KLHL4: variants seen among roughly 807,000 people sequenced by gnomAD.
KLHL4 encodes kelch like family member 4.
Under a neutral mutation model 45.8 loss-of-function variants are expected in KLHL4, and 17 were observed. The ratio of observed to expected loss-of-function variants is 0.37; its 90% CI spans 0.25 to 0.56. The LOEUF is 0.56. Ranked by LOEUF, KLHL4 falls within the 20% of genes least tolerant of loss-of-function variation. The pLI, the probability that KLHL4 is intolerant of heterozygous loss-of-function variation, is 0.79. For synonymous variants in KLHL4, 224 were observed against 189.9 expected (o/e 1.18, Z -1.47); for missense variants, 544 against 544.9 (o/e 1.00, Z 0.02).
chrX:87,613,382 G>C (rs1922447060), intron 1 of KLHL4, among the ~76,000 whole-genome samples: 1 of 111,637 alleles, frequency 9.0e-6, no homozygotes, highest in Non-Finnish European at 1.9e-5. Flanking sequence ...TTCTTAATGG[G>C]ATTGATAGTG....
chrX:87,563,039 C>G (rs1431473122), intron 1 of KLHL4, among the ~76,000 whole-genome samples: 2 of 111,144 alleles, frequency 1.8e-5, no homozygotes, highest in African/African-American at 6.5e-5. Flanking sequence ...TGTGAGTCTG[C>G]GAGTCACAGT....
chrX:87,622,714 C>CT (rs35342750), intron 5 of KLHL4, among the ~76,000 whole-genome samples: 15 of 105,580 alleles, frequency 1.4e-4, no homozygotes, highest in Admixed American at 2.1e-4. Flanking sequence ...TAGGCTAACT[C>CT]TTTTTTTTTT....
chrX:87,572,491 T>G (rs779559440), intron 1 of KLHL4, among the ~76,000 whole-genome samples: 34 of 111,073 alleles, frequency 3.1e-4, no homozygotes, highest in Non-Finnish European at 5.7e-4. Flanking sequence ...TGTTCAATGT[T>G]TTTATATAAA....
chrX:87,635,818 T>C, intron 9 of KLHL4, 43 bp downstream of exon 9: 2 of 969,523 alleles, frequency 2.1e-6, no homozygotes, highest in South Asian at 2.7e-5. Flanking sequence ...TATTTGGTTA[T>C]TTAATTTTTT....
chrX:87,547,343 G>T (rs1390316770), intron 1 of KLHL4, among the ~76,000 whole-genome samples: 1 of 111,026 alleles, frequency 9.0e-6, no homozygotes, highest in African/African-American at 3.3e-5. Flanking sequence ...TCTCTGGCCT[G>T]CTGCAGTTTA....
At chrX:87,547,082 G>A (rs145862099) in intron 1 of KLHL4, among the ~76,000 whole-genome samples, 1 of 111,889 alleles carries the variant, frequency 8.9e-6, no homozygotes, top group Admixed American at 9.5e-5. Context: ...TTGGGGTACT[G>A]TTGGGAAGGC....
Position 87,538,471 on chromosome X carries a change from G to T in KLHL4, c.422+20156G>T, listed in dbSNP as rs17279190. On this transcript the variant is annotated intron_variant, in intron 1 of 10. Coordinates refer to ENST00000373119, the MANE Select transcript of KLHL4 (RefSeq NM_019117.5). ...TAACAGACATAAAACATAATTTAGG[G>T]TATCAGAAATATCCTTGGAAAAAGT... 3.5e-3 allele frequency among the ~76,000 whole-genome samples: 392 copies of T among 111,280 alleles called. 6 individuals are homozygous for T. In the South Asian group the frequency reaches 0.048, roughly 14 times the overall value.
At chrX:87,616,569 A>G (rs1487122090) in intron 3 of KLHL4, among the ~76,000 whole-genome samples, 1 of 111,671 alleles carries the variant, frequency 9.0e-6, no homozygotes, top group Non-Finnish European at 1.9e-5. Context: ...CTCTTTAATG[A>G]AGTGAAACTT....
At chrX:87,534,677 A>G (rs1205639466) in intron 1 of KLHL4, among the ~76,000 whole-genome samples, 1 of 111,649 alleles carries the variant, frequency 9.0e-6, no homozygotes, top group Non-Finnish European at 1.9e-5. Flanking sequence ...ACAACCACTC[A>G]TAAAAGCTTT....
At chrX:87,663,022 C>CT (rs56203819) in intron 9 of KLHL4, among the ~76,000 whole-genome samples, 5,457 of 87,547 alleles carry the variant, frequency 0.062, 434 homozygotes, top group African/African-American at 0.2. Flanking sequence ...TTTTCTGATG[C>CT]TTTTTTTTTT....
At chrX:87,659,285 A>C (rs1397110689) in intron 9 of KLHL4, among the ~76,000 whole-genome samples, 1 of 37,987 alleles carries the variant, frequency 2.6e-5, no homozygotes, top group Non-Finnish European at 5.4e-5. Flanking sequence ...ACACTGGGCT[A>C]ATTTTTGTTA....
chrX:87,628,881 A>C (rs1569356982), intron 6 of KLHL4, among the ~76,000 whole-genome samples: 1 of 112,192 alleles, frequency 8.9e-6, no homozygotes, highest in Non-Finnish European at 1.9e-5. Flanking sequence ...TGTATTTGAA[A>C]GAATCATTAG....
chrX:87,645,048 G>A (rs985655142), intron 9 of KLHL4, among the ~76,000 whole-genome samples: 3 of 111,597 alleles, frequency 2.7e-5, no homozygotes, highest in Admixed American at 9.5e-5. Flanking sequence ...AGCTAAATAG[G>A]TGGGACCTAA....
chrX:87,592,564 A>G, intron 1 of KLHL4, among the ~76,000 whole-genome samples: 1 of 111,773 alleles, frequency 8.9e-6, no homozygotes, highest in Middle Eastern at 4.6e-3. Flanking sequence ...AACTGAGGTT[A>G]CATGTCTCAT....
chrX:87,555,462 G>A (rs1223786184), intron 1 of KLHL4, among the ~76,000 whole-genome samples: 2 of 111,152 alleles, frequency 1.8e-5, no homozygotes, highest in Admixed American at 9.6e-5. Context: ...TGTTCGTGTC[G>A]AGGAATTTAT....
At chrX:87,572,424 C>G (rs1248977126) in intron 1 of KLHL4, among the ~76,000 whole-genome samples, 7 of 110,818 alleles carry the variant, frequency 6.3e-5, no homozygotes, top group Non-Finnish European at 9.5e-5. Flanking sequence ...CTCTCTTTCT[C>G]TCTATTAATG....
rs1278507953 is a variant in KLHL4 at position 87,669,311 on chromosome X, C to T, written c.*2777C>T. The T allele has an allele frequency of 3.3e-6, 4 of 1,206,212 alleles. No homozygotes were observed. The highest frequency in any genetic ancestry group is 4.5e-6 in the Non-Finnish European group (4 of 893,290). ...ATGATTCTCTAACACTGTCTGTCAC[C>T]TTCCTGTATTTCCACAGAGCATGCA... On this transcript the variant is annotated 3_prime_UTR_variant, in exon 11 of 11. Coordinates refer to ENST00000373119, the MANE Select transcript of KLHL4 (RefSeq NM_019117.5).
chrX:87,518,768 C>G, intron 1 of KLHL4, among the ~76,000 whole-genome samples: 1 of 111,515 alleles, frequency 9.0e-6, no homozygotes, highest in Non-Finnish European at 1.9e-5. Context: ...TACATAGTTG[C>G]GATATTGACT....
At chrX:87,571,875 T>A (rs1425609959) in intron 1 of KLHL4, among the ~76,000 whole-genome samples, 1 of 110,999 alleles carries the variant, frequency 9.0e-6, no homozygotes, top group African/African-American at 3.3e-5. Context: ...GTGTTGATTA[T>A]TTTAGTGAAG....
Sources: gnomAD v4.1 joint callset for allele counts (sites outside exome capture counted in the v4.1 genomes callset) on GRCh38, gnomAD v4.1.1 for gene constraint, MANE v1.5 for transcripts, NCBI Gene and HGNC (gene_info 2026-07-23, HGNC 2026-07-21) for gene names.